FBP2: variants seen among roughly 807,000 people sequenced by gnomAD.
FBP2 encodes the protein fructose-bisphosphatase 2, also known as fructose-1,6-bisphosphatase isozyme 2.
A neutral mutation model predicts 31.6 loss-of-function variants in FBP2; 27 were observed. That is an observed-to-expected ratio of 0.85 (90% confidence interval 0.63 to 1.18). The LOEUF is 1.18. Ranked by LOEUF, FBP2 falls within the 50% of genes most tolerant of loss-of-function variation. FBP2 has a pLI of 0.00. For missense variants in FBP2, 421 were observed against 436.1 expected, an observed-to-expected ratio of 0.97 and a Z score of 0.31; for synonymous variants, 168 against 179.8, an observed-to-expected ratio of 0.93 and a Z score of 0.53.
chr9:94,580,858 C>A (rs1827366757), intron 3 of FBP2, among the ~76,000 whole-genome samples: 1 of 152,150 alleles, frequency 6.6e-6, no homozygotes, highest in Non-Finnish European at 1.5e-5. Context: ...GCACATATTT[C>A]ATCTAAAGAA....
intron 3 of FBP2, among the ~76,000 whole-genome samples, chr9:94,581,787 C>G (rs1023352404): frequency 6.6e-6 from 1 of 152,218 alleles, no homozygotes; most frequent in Non-Finnish European, 1.5e-5. Context: ...CAGGCCATGG[C>G]AGGAAGCGGG....
chr9:94,561,354 T>TA, intron 6 of FBP2, among the ~76,000 whole-genome samples: 1 of 45,166 alleles, frequency 2.2e-5, no homozygotes, highest in African/African-American at 6.6e-5. Context: ...TGACCTGTAT[T>TA]TTTTTTTTTT....
At position 94,563,328 on chromosome 9, in the gene FBP2, C is replaced by T; in HGVS notation, c.825+14G>A. 1.2e-6 allele frequency: 2 copies of T among 1,613,176 alleles called. No homozygotes were observed. Among genetic ancestry groups the T allele is most frequent in the South Asian group, 1.1e-5 (1 of 90,948 alleles). ...CCTGACCGGATGCACAGCCAGTGGA[C>T]AAGGGAGAATTACCTTGCCCTTAGG... is the stretch of plus-strand genomic sequence containing the variant. On this transcript the variant is annotated intron_variant, in intron 6 of 6. Transcript: ENST00000375337.
chr9:94,593,642 C>A lies in FBP2; in HGVS notation c.85G>T (p.Gly29Trp). Residue 29 changes from glycine (G) to tryptophan (W), a missense_variant, in exon 1 of 7, where the codon GGG (glycine) becomes TGG (tryptophan). By Grantham distance (184) the Gly-to-Trp change is radical (BLOSUM62 -2). Transcript: ENST00000375337. ...MEKGRQAKGTGELTQLLNSML... is the reference protein window; with the variant it reads ...MEKGRQAKGTWELTQLLNSML... The stretch of plus-strand genomic sequence containing the variant: ...GAGTTCAGCAGCTGGGTGAGCTCCC[C>A]AGTCCCTTTGGCCTGACGCCCCTTT... 1 of 1,614,244 alleles carries A rather than the reference C, an allele frequency of 6.2e-7. No individual in the cohort carries two copies. Among genetic ancestry groups the A allele is most frequent in the East Asian group, 2.2e-5 (1 of 44,890 alleles).
At chr9:94,567,248 C>T in intron 5 of FBP2, 22 bp downstream of exon 5, 1 of 1,613,670 alleles carries the variant, frequency 6.2e-7, no homozygotes, top group Non-Finnish European at 8.5e-7. Context: ...TGTCTGCCAC[C>T]CACCTGGCTT....
intron 3 of FBP2, 85 bp from the exon 4 acceptor site, chr9:94,571,687 C>G (rs3864789): frequency 4.8e-6 from 6 of 1,237,428 alleles, no homozygotes; most frequent in Non-Finnish European, 6.6e-6. Context: ...CAGATCTCCT[C>G]GAATCACTGA....
intron 4 of FBP2, 29 bp downstream of exon 4, chr9:94,571,433 G>A: frequency 6.3e-7 from 1 of 1,579,526 alleles, no homozygotes; most frequent in Non-Finnish European, 8.6e-7. Context: ...GAGTCCCCAG[G>A]CACAGATGAT....
chr9:94,562,778 CATT>C (rs1257408704), intron 6 of FBP2, among the ~76,000 whole-genome samples: 2 of 152,084 alleles, frequency 1.3e-5, no homozygotes, highest in Non-Finnish European at 2.9e-5. Flanking sequence ...AGTTTTGCAT[CATT>C]AAGTTGCAAT....
In FBP2 at chr9:94,559,841, C is replaced by T. The variant is rs1483472005; in HGVS notation, c.826-709G>A. Among the ~76,000 whole-genome samples, 5 of 152,010 alleles carry T rather than the reference C, an allele frequency of 3.3e-5. No homozygotes were observed. In the East Asian group the frequency reaches 9.6e-4, roughly 29 times the overall value. On this transcript the variant is annotated intron_variant, in intron 6 of 6. Transcript: ENST00000375337. ...GTACTATCTGTATTCTCAGTAGTGC[C>T]GACACAGAGAAAGTGTTGGCTCCGG...
At position 94,593,629 on chromosome 9, in the gene FBP2, T is replaced by G. The variant is rs1319052559; in HGVS notation, c.98A>C (p.Gln33Pro). The G allele has an allele frequency of 1.2e-6, 2 of 1,614,190 alleles. No homozygotes were observed. Among genetic ancestry groups the G allele is most frequent in the Non-Finnish European group, 1.7e-6 (2 of 1,180,016 alleles). Residue 33 changes from glutamine (Q) to proline (P), a missense_variant, in exon 1 of 7, where the codon CAG becomes CCG. Physicochemically the swap from Gln to Pro is moderately conservative, Grantham distance 76 (BLOSUM62 -1). Coordinates refer to ENST00000375337, the MANE Select transcript of FBP2 (RefSeq NM_003837.4). The part of the protein sequence containing the change: ...RQAKGTGELT[Q>P]LLNSMLTAIK... The stretch of plus-strand genomic sequence containing the variant: ...GGCCGTCAGCATTGAGTTCAGCAGC[T>G]GGGTGAGCTCCCCAGTCCCTTTGGC...
At chr9:94,574,291 TA>T (rs1202877691) in intron 3 of FBP2, among the ~76,000 whole-genome samples, 2 of 152,186 alleles carry the variant, frequency 1.3e-5, no homozygotes, top group African/African-American at 4.8e-5. Flanking sequence ...CCACTAATAA[TA>T]AGAGAGTTCA....
At chr9:94,575,870 T>C (rs1190915028) in intron 3 of FBP2, among the ~76,000 whole-genome samples, 1 of 152,228 alleles carries the variant, frequency 6.6e-6, no homozygotes, top group Non-Finnish European at 1.5e-5. Flanking sequence ...CTTAACTTCA[T>C]AATATATTTT....
intron 3 of FBP2, among the ~76,000 whole-genome samples, chr9:94,579,050 CAAAAA>C (rs55778806): frequency 1.3e-4 from 4 of 30,606 alleles, no homozygotes; most frequent in Non-Finnish European, 1.5e-4. Flanking sequence ...GAGACTCTGT[CAAAAA>C]AAAAAAAAAA....
chr9:94,564,233 G>A (rs113452762), intron 5 of FBP2, among the ~76,000 whole-genome samples: 12,312 of 152,220 alleles, frequency 0.081, 558 homozygotes, highest in South Asian at 0.16. Context: ...ACAATCAGAC[G>A]TAAAACAATC....
At chr9:94,593,243 C>CT (rs933340348) in intron 1 of FBP2, among the ~76,000 whole-genome samples, 6 of 152,216 alleles carry the variant, frequency 3.9e-5, no homozygotes, top group African/African-American at 1.4e-4. Flanking sequence ...CAGTGAGACT[C>CT]TCTCTGTGCA....
intron 3 of FBP2, among the ~76,000 whole-genome samples, chr9:94,579,808 T>C (rs1827357782): frequency 6.6e-6 from 1 of 152,234 alleles, no homozygotes; most frequent in Admixed American, 6.5e-5. Context: ...CATTCAGCTT[T>C]TTCCTCAACT....
intron 4 of FBP2, chr9:94,569,779 A>C (rs889965315): frequency 6.6e-6 from 1 of 152,202 alleles, no homozygotes; most frequent in African/African-American, 2.4e-5. Flanking sequence ...GGTTAACAGG[A>C]GGTGGTCTCT....
chr9:94,590,205 CG>C (rs1315463743), intron 1 of FBP2, among the ~76,000 whole-genome samples: 3 of 152,092 alleles, frequency 2.0e-5, no homozygotes, highest in Non-Finnish European at 4.4e-5. Context: ...CTCTCTAGCC[CG>C]TAGGACAGTA....
At chr9:94,578,679 A>T (rs1827341811) in intron 3 of FBP2, among the ~76,000 whole-genome samples, 1 of 152,196 alleles carries the variant, frequency 6.6e-6, no homozygotes, top group Non-Finnish European at 1.5e-5. Flanking sequence ...TTGCTTACTA[A>T]GTTTCCACTA....
Sources: allele counts gnomAD v4.1 joint callset (sites outside exome capture counted in the v4.1 genomes callset), GRCh38; gene constraint gnomAD v4.1.1; transcripts MANE v1.5; gene names NCBI Gene and HGNC (gene_info 2026-07-23, HGNC 2026-07-21).